The following ELF2 variants were observed in gnomAD, a reference collection of about 807,000 sequenced individuals.
The protein encoded by ELF2 is E74 like ETS transcription factor 2.
ELF2 carries 11 observed loss-of-function variants against 54.8 expected under a neutral mutation model. The ratio of observed to expected loss-of-function variants is 0.20; its 90% CI spans 0.13 to 0.33. ELF2 has a LOEUF of 0.33. Ranked by LOEUF, ELF2 falls within the 10% of genes least tolerant of loss-of-function variation. The pLI, the probability that ELF2 is intolerant of heterozygous loss-of-function variation, is 1.00. For missense variants in ELF2, 513 were observed against 703.0 expected (o/e 0.73, Z 3.06); for synonymous variants, 203 against 245.1 (o/e 0.83, Z 1.61).
chr4:139,070,323 C>A (rs1287796352), intron 6 of ELF2, among the ~76,000 whole-genome samples: 1 of 150,902 alleles, frequency 6.6e-6, no homozygotes, highest in Non-Finnish European at 1.5e-5. Flanking sequence ...CAGAGTCTTA[C>A]TCTGTCACCC....
At chr4:139,129,914 C>A (rs1016553308) in intron 3 of ELF2, among the ~76,000 whole-genome samples, 11 of 152,126 alleles carry the variant, frequency 7.2e-5, no homozygotes, top group African/African-American at 1.4e-4. Context: ...ATAACCCCAA[C>A]CCACCTGTCA....
chr4:139,062,141 G>T, intron 7 of ELF2, 84 bp from the exon 8 acceptor site: 2 of 1,304,718 alleles, frequency 1.5e-6, no homozygotes, highest in Non-Finnish European at 2.1e-6. Flanking sequence ...GTCCTTCATT[G>T]TATCATAAAA....
At chr4:139,096,647 T>C (rs1300589894) in intron 4 of ELF2, among the ~76,000 whole-genome samples, 1 of 146,548 alleles carries the variant, frequency 6.8e-6, no homozygotes, top group Admixed American at 6.8e-5. Context: ...TTTTTTTTAA[T>C]TCTTTGTAGC....
At position 139,084,084 on chromosome 4, in the gene ELF2, C is replaced by A. The variant is rs755569746; in HGVS notation, c.239-10517G>T. 3.0e-5 allele frequency: 48 copies of A among 1,611,694 alleles called. 1 individual carries two copies. The South Asian group carries it at 5.2e-4, about 17-fold the overall frequency. ...GGAGTCACCCCGCCTTCTGTGCACCCCCTCTCCTGCTGCACCGATGCACGG... is the reference window on the plus strand; with the variant it reads ...GGAGTCACCCCGCCTTCTGTGCACCACCTCTCCTGCTGCACCGATGCACGG... On this transcript the variant is annotated intron_variant, in intron 4 of 9. Transcript: ENST00000686138.
At position 139,073,449 on chromosome 4, in the gene ELF2, C is replaced by T; in HGVS notation, c.352+5G>A. ...GTTTAACATAAGAATGAACAGTTTA[C>T]ATACCAGGACTTCTTGAATCCCTCA... On this transcript the variant is annotated splice_donor_5th_base_variant and intron_variant, in intron 5 of 9. Transcript: ENST00000686138. 6.3e-7 allele frequency: 1 copy of T among 1,587,734 alleles called. No homozygotes were observed. Among genetic ancestry groups the T allele is most frequent in the Non-Finnish European group, 8.6e-7 (1 of 1,165,902 alleles).
chr4:139,134,069 A>G (rs545161013), intron 3 of ELF2, among the ~76,000 whole-genome samples: 158 of 152,298 alleles, frequency 1.0e-3, no homozygotes, highest in African/African-American at 2.7e-3. Flanking sequence ...CTTGCTCTCA[A>G]CCATTAAGTA....
At chr4:139,160,118 A>C (rs1036549876) in intron 1 of ELF2, among the ~76,000 whole-genome samples, 6 of 152,136 alleles carry the variant, frequency 3.9e-5, no homozygotes, top group African/African-American at 1.2e-4. Context: ...CGGGCAGATC[A>C]CGAGGTCAGG....
chr4:139,171,307 A>AG (rs1277531459), intron 1 of ELF2, among the ~76,000 whole-genome samples: 2 of 152,042 alleles, frequency 1.3e-5, no homozygotes, highest in African/African-American at 4.8e-5. Flanking sequence ...AGGCTGAGGT[A>AG]GGGGGACTGC....
chr4:139,060,245 G>T, intron 9 of ELF2, 79 bp downstream of exon 9: 1 of 1,303,878 alleles, frequency 7.7e-7, no homozygotes, highest in Non-Finnish European at 1.0e-6. Flanking sequence ...CTAATATTAA[G>T]CAAAAGGACA....
chr4:139,175,301 TTA>T (rs1384431970), intron 1 of ELF2, among the ~76,000 whole-genome samples: 1 of 152,198 alleles, frequency 6.6e-6, no homozygotes, highest in Non-Finnish European at 1.5e-5. Context: ...AAATGAGTAT[TTA>T]TGTCTGAAAT....
chr4:139,127,011 T>C (rs1736990075), intron 3 of ELF2, among the ~76,000 whole-genome samples: 1 of 152,208 alleles, frequency 6.6e-6, no homozygotes, highest in Admixed American at 6.5e-5. Flanking sequence ...ACTCCTGAGA[T>C]AGCATGATGA....
At position 139,074,806 on chromosome 4, in the gene ELF2, TA is replaced by T. The variant is rs367661341; in HGVS notation, c.239-1240del. On this transcript the variant is annotated intron_variant, in intron 4 of 9. Coordinates refer to ENST00000686138, the MANE Select transcript of ELF2 (RefSeq NM_001331036.3). ...AATATTGCAGGGGAGGGGGAGGCAA[TA>T]AAAAAAATACAACAATTAAAAATAC... Among the ~76,000 whole-genome samples the T allele has an allele frequency of 4.5e-4, 66 of 147,698 alleles. No homozygotes were observed. In the Middle Eastern group the frequency reaches 0.018, roughly 39 times the overall value.
At chr4:139,062,419 C>T (rs1328771593) in intron 7 of ELF2, among the ~76,000 whole-genome samples, 1 of 152,206 alleles carries the variant, frequency 6.6e-6, no homozygotes, top group Non-Finnish European at 1.5e-5. Flanking sequence ...GATCCGCCTG[C>T]CTCAGCCTCC....
At chr4:139,081,857 C>T (rs1314156032) in intron 4 of ELF2, among the ~76,000 whole-genome samples, 2 of 152,258 alleles carry the variant, frequency 1.3e-5, no homozygotes, top group Admixed American at 6.5e-5. Context: ...ATTACATGAA[C>T]ATAATTGGTG....
intron 1 of ELF2, among the ~76,000 whole-genome samples, chr4:139,158,692 C>T (rs1359227429): frequency 6.6e-6 from 1 of 151,888 alleles, no homozygotes; most frequent in Non-Finnish European, 1.5e-5. Flanking sequence ...AAAAACTAAA[C>T]GGAATAAGAG....
At chr4:139,149,515 G>A (rs1269519806) in intron 1 of ELF2, among the ~76,000 whole-genome samples, 4 of 152,194 alleles carry the variant, frequency 2.6e-5, no homozygotes, top group Non-Finnish European at 5.9e-5. Flanking sequence ...TTGAGAGGCT[G>A]AGGCAGGCAA....
chr4:139,086,991 T>C (rs1732049730), intron 4 of ELF2, among the ~76,000 whole-genome samples: 2 of 152,208 alleles, frequency 1.3e-5, no homozygotes, highest in South Asian at 4.1e-4. Flanking sequence ...GTAATTTTAT[T>C]GTAAGTCCTT....
At chr4:139,084,432 G>GGGCAGGGGC (rs1731698622) in intron 4 of ELF2, 4 of 1,184,458 alleles carry the variant, frequency 3.4e-6, no homozygotes, top group Middle Eastern at 3.4e-4. Context: ...GGGGCGGCAG[G>GGGCAGGGGC]GGCAGGGGCG....
rs531317566 is a variant in ELF2 at position 139,095,286 on chromosome 4, G to A, written c.239-21719C>T. On this transcript the variant is annotated intron_variant, in intron 4 of 9. Transcript: ENST00000686138. ...TGCAACCTCCACCTCCCAGATTCAA[G>A]CAATTCTCGCACCTCAGCCTCCCAA... is the stretch of plus-strand genomic sequence containing the variant. Among the ~76,000 whole-genome samples the A allele has an allele frequency of 9.3e-5, 14 of 151,248 alleles. No individual in the cohort carries two copies. The South Asian group carries it at 2.9e-3, about 32-fold the overall frequency.
Sources: allele counts gnomAD v4.1 joint callset (sites outside exome capture counted in the v4.1 genomes callset), GRCh38; gene constraint gnomAD v4.1.1; transcripts MANE v1.5; gene names NCBI Gene and HGNC (gene_info 2026-07-23, HGNC 2026-07-21).